Variants in TRAF2 observed in about 807,000 individuals in gnomAD.
The protein encoded by TRAF2 is TNF receptor-associated factor 2.
A neutral mutation model predicts 55.6 loss-of-function variants in TRAF2; 6 were observed. The observed-to-expected ratio is 0.11, with a 90% CI of 0.06 to 0.21. The LOEUF is 0.21. TRAF2 is among the 10% of genes least tolerant of loss of function. TRAF2 has a pLI of 1.00. For synonymous variants in TRAF2, 329 were observed against 276.3 expected (o/e 1.19, Z -1.89); for missense variants, 561 against 684.5 (o/e 0.82, Z 2.01).
intron 1 of TRAF2, among the ~76,000 whole-genome samples, chr9:136,895,086 G>A (rs1377756365): frequency 2.0e-5 from 3 of 152,190 alleles, no homozygotes; most frequent in Admixed American, 2.0e-4. Context: ...ACAGCAACCG[G>A]GGCAGAGGTG....
In TRAF2 at chr9:136,908,072, C is replaced by T. The variant is rs140121451; in HGVS notation, c.369C>T (p.Ser123=). 3 of 1,600,032 alleles carry T rather than the reference C, an allele frequency of 1.9e-6. No homozygotes were observed. In the African/African-American group the frequency reaches 4.0e-5, roughly 21 times the overall value. ...ACGCTTCCTCCTTTCGTTGCTAGAGCTGCCACGAAGGCCGCTGCCCGCTCA... is the reference window on the plus strand; with the variant it reads ...ACGCTTCCTCCTTTCGTTGCTAGAGTTGCCACGAAGGCCGCTGCCCGCTCA... ...TWKGTLKEYE[S]CHEGRCPLML... is the part of the protein sequence containing the mutation. The change falls in exon 5 of 11, where the codon AGC becomes AGT. Residue 123 remains serine (S), a splice_region_variant and synonymous_variant. Transcript: ENST00000247668.
At chr9:136,909,344 G>C (rs1371111012) in intron 5 of TRAF2, among the ~76,000 whole-genome samples, 2 of 147,996 alleles carry the variant, frequency 1.4e-5, no homozygotes, top group East Asian at 4.0e-4. Context: ...ATCCATACAG[G>C]GTTCCTGCCT....
intron 10 of TRAF2, 93 bp from the exon 11 acceptor site, chr9:136,925,590 C>G: frequency 1.5e-6 from 2 of 1,322,880 alleles, no homozygotes; most frequent in Non-Finnish European, 2.1e-6. Context: ...GGGATGGCCT[C>G]CTGCTGGTGG....
chr9:136,917,161 G>A (rs899047031), intron 7 of TRAF2, among the ~76,000 whole-genome samples: 6 of 152,188 alleles, frequency 3.9e-5, no homozygotes, highest in South Asian at 2.1e-4. Flanking sequence ...TGGGACCCAG[G>A]CTCAGGCGCT....
chr9:136,921,638 C>A lies in TRAF2; in HGVS notation c.1138+423C>A, dbSNP rs543988780. Among the ~76,000 whole-genome samples, 19 of 151,974 alleles carry A rather than the reference C, an allele frequency of 1.3e-4. No homozygotes were observed. In the East Asian group the frequency reaches 3.7e-3, roughly 29 times the overall value. On this transcript the variant is annotated intron_variant, in intron 9 of 10. Coordinates refer to ENST00000247668, the MANE Select transcript of TRAF2 (RefSeq NM_021138.4). The stretch of plus-strand genomic sequence containing the variant: ...GCCTTGGAGCTGAGCTAGTCTGATC[C>A]CTCCCAGGTTCATTTTCCACACGGA...
chr9:136,908,641 C>G (rs1314804362), intron 5 of TRAF2, among the ~76,000 whole-genome samples: 1 of 152,190 alleles, frequency 6.6e-6, no homozygotes, highest in East Asian at 1.9e-4. Flanking sequence ...CCGAGGCGGG[C>G]AGATCACGAG....
intron 7 of TRAF2, among the ~76,000 whole-genome samples, chr9:136,917,508 G>A (rs1850270670): frequency 1.3e-5 from 2 of 152,230 alleles, no homozygotes; most frequent in Non-Finnish European, 2.9e-5. Context: ...TTGAGGTCAG[G>A]ACCCTCGAGG....
Position 136,900,410 on chromosome 9 carries a change from T to C in TRAF2, c.268-12T>C. On this transcript the variant is annotated splice_polypyrimidine_tract_variant and intron_variant, in intron 3 of 10. Coordinates refer to ENST00000247668, the MANE Select transcript of TRAF2 (RefSeq NM_021138.4). ...GGAGGAGGTTTAACCCGAGGGATAT[T>C]CCTCTCCCCAGGCCTTCCCAGATAA... 1 of 1,572,792 alleles carries C rather than the reference T, an allele frequency of 6.4e-7. No homozygotes were observed. Among genetic ancestry groups the C allele is most frequent in the Non-Finnish European group, 8.6e-7 (1 of 1,156,876 alleles).
chr9:136,899,609 CTG>C lies in TRAF2; in HGVS notation c.207_208del (p.Ala70CysfsTer9). ...TCCCCACTAGCTCTGGGCCTCAGAACTGTGCTGCCTGTGTTCACGAGGGCATA... is the reference window on the plus strand; with the variant it reads ...TCCCCACTAGCTCTGGGCCTCAGAACTGCTGCCTGTGTTCACGAGGGCATA... ...ASILSSGPQN[C>X]AACVHEGIYE... On this transcript the variant is annotated frameshift_variant, in exon 3 of 11. Coordinates refer to ENST00000247668, the MANE Select transcript of TRAF2 (RefSeq NM_021138.4). LOFTEE classifies it high-confidence loss of function. 6.2e-7 allele frequency: 1 copy of C among 1,612,610 alleles called. No homozygotes were observed. The highest frequency in any genetic ancestry group is 8.5e-7 in the Non-Finnish European group (1 of 1,178,906).
chr9:136,883,758 C>CT (rs1849400749), upstream of TRAF2, among the ~76,000 whole-genome samples: 1 of 151,100 alleles, frequency 6.6e-6, no homozygotes, highest in Non-Finnish European at 1.5e-5. Context: ...CTCAGGTGAT[C>CT]CACCCACCTC....
intron 10 of TRAF2, among the ~76,000 whole-genome samples, chr9:136,925,173 G>A (rs17250862): frequency 2.6e-5 from 4 of 152,240 alleles, no homozygotes; most frequent in Admixed American, 6.5e-5. Flanking sequence ...TAGTGGAGTA[G>A]GCAGAGCAGA....
chr9:136,900,706 A>G (rs1424162719), intron 4 of TRAF2, 186 bp downstream of exon 4: 6 of 670,624 alleles, frequency 8.9e-6, no homozygotes, highest in East Asian at 2.9e-5. Context: ...CAAGTAGTGC[A>G]GAGCACAGAC....
At chr9:136,924,130 A>T in intron 10 of TRAF2, 130 bp downstream of exon 10, 1 of 1,154,840 alleles carries the variant, frequency 8.7e-7, no homozygotes, top group Non-Finnish European at 1.2e-6. Flanking sequence ...TGCAGCAGGC[A>T]CGTCACCCTG....
chr9:136,900,318 C>T (rs913902641), intron 3 of TRAF2, 104 bp from the exon 4 acceptor site: 12 of 699,072 alleles, frequency 1.7e-5, no homozygotes, highest in Non-Finnish European at 2.8e-5. Flanking sequence ...CCTGGAAAGG[C>T]GATGTGACGC....
intron 7 of TRAF2, among the ~76,000 whole-genome samples, chr9:136,918,818 C>T (rs1175495956): frequency 6.6e-6 from 1 of 151,806 alleles, no homozygotes; most frequent in East Asian, 1.9e-4. Flanking sequence ...TCACTGCAGC[C>T]TCCACCTCCT....
At chr9:136,886,337 G>T (rs540068142), upstream of TRAF2, 280 of 950,308 alleles carry the variant, frequency 2.9e-4, no homozygotes, top group Non-Finnish European at 3.3e-4. Flanking sequence ...CTGCGGGCTC[G>T]CTGGTTGGCT....
Position 136,924,019 on chromosome 9 carries a change from G to A in TRAF2, c.1287+19G>A, listed in dbSNP as rs371954995. On this transcript the variant is annotated intron_variant, in intron 10 of 10. Transcript: ENST00000247668. ...CCAGAAGGTGAGGCCGTCCCTGCAGGCTTCGCTAGGGCCGCACCTGGGAGT... is the reference window on the plus strand; with the variant it reads ...CCAGAAGGTGAGGCCGTCCCTGCAGACTTCGCTAGGGCCGCACCTGGGAGT... The A allele has an allele frequency of 8.7e-6, 14 of 1,610,378 alleles. No individual in the cohort carries two copies. The African/African-American group carries it at 1.6e-4, about 18-fold the overall frequency.
At chr9:136,886,594 TGCGGGGTCGGGCGCGGGGTCGGGC>T (rs1243489191) in intron 1 of TRAF2, 53 bp downstream of exon 1, 6 of 905,474 alleles carry the variant, frequency 6.6e-6, no homozygotes, top group East Asian at 1.4e-4. Context: ...CGGGGTCGGG[TGCGGGGTCGGGCGCGGGGTCGGGC>T]GCAGGCGCGG....
At chr9:136,919,680 T>TTCTTTCCTTCGTCCCG (rs1554781928) in intron 7 of TRAF2, among the ~76,000 whole-genome samples, 1 of 148,608 alleles carries the variant, frequency 6.7e-6, no homozygotes, top group Non-Finnish European at 1.5e-5. Context: ...TTCCCTCCCC[T>TTCTTTCCTTCGTCCCG]TCTTCCCTTC....
Sources: allele counts gnomAD v4.1 joint callset (sites outside exome capture counted in the v4.1 genomes callset), GRCh38; gene constraint gnomAD v4.1.1; transcripts MANE v1.5; gene names NCBI Gene and HGNC (gene_info 2026-07-23, HGNC 2026-07-21).